The following WDR27 variants were observed in gnomAD, a reference collection of about 807,000 sequenced individuals.
WDR27 encodes the protein WD repeat domain 27.
A neutral mutation model predicts 114.4 loss-of-function variants in WDR27; 100 were observed. The observed-to-expected ratio is 0.87, with a 90% CI of 0.74 to 1.03. WDR27 has a LOEUF of 1.03. WDR27 is among the 50% of genes least tolerant of loss of function. The pLI, the probability that WDR27 is intolerant of heterozygous loss-of-function variation, is 0.00. For synonymous variants in WDR27, 449 were observed against 423.1 expected, an observed-to-expected ratio of 1.06 and a Z score of -0.75; for missense variants, 1,129 against 1,092.9, an observed-to-expected ratio of 1.03 and a Z score of -0.47.
At chr6:169,575,328 CTCTCT>C (rs1802108756) in intron 24 of WDR27, among the ~76,000 whole-genome samples, 4 of 51,060 alleles carry the variant, frequency 7.8e-5, no homozygotes, top group Non-Finnish European at 3.0e-4. Context: ...CTCCCTCTCT[CTCTCT>C]CCATCCATCC....
At chr6:169,587,257 C>T (rs1045485385) in intron 23 of WDR27, among the ~76,000 whole-genome samples, 4 of 25,092 alleles carry the variant, frequency 1.6e-4, no homozygotes, top group Non-Finnish European at 2.9e-4. Flanking sequence ...CTTGCTCTGT[C>T]GCCCAGGCTG....
At chr6:169,426,563 T>C in the WDR27 span, 1 of 152,194 alleles carries the variant, frequency 6.6e-6, no homozygotes, top group South Asian at 2.1e-4. Flanking sequence ...GAAACTTCAT[T>C]TGTCCCTTTA....
chr6:169,546,031 C>T (rs570827751), intron 25 of WDR27, among the ~76,000 whole-genome samples: 3 of 152,120 alleles, frequency 2.0e-5, no homozygotes, highest in East Asian at 1.9e-4. Flanking sequence ...TGCTCAGCCT[C>T]GCCGGCCATT....
At chr6:169,564,705 CGA>C (rs3029658) in intron 25 of WDR27, among the ~76,000 whole-genome samples, 1 of 151,802 alleles carries the variant, frequency 6.6e-6, no homozygotes, top group Non-Finnish European at 1.5e-5. Flanking sequence ...CTGGCTCCCA[CGA>C]GACTCTCAGG....
intron 25 of WDR27, among the ~76,000 whole-genome samples, chr6:169,537,250 GA>G (rs1437049618): frequency 6.6e-6 from 1 of 152,134 alleles, no homozygotes; most frequent in Non-Finnish European, 1.5e-5. Context: ...GCTCTTCAGG[GA>G]GGAGCATCCA....
At chr6:169,604,778 C>T (rs1808764716) in intron 22 of WDR27, among the ~76,000 whole-genome samples, 1 of 151,974 alleles carries the variant, frequency 6.6e-6, no homozygotes, top group African/African-American at 2.4e-5. Context: ...CCAGGGATGC[C>T]AGGATGGTTC....
rs1822957654 is a variant in WDR27, at chr6:169,652,799, T to C, written c.1403-791A>G. Reference sequence around the variant, plus strand: ...TCTGTATTAAAACTATTTATATAATTGTTCTTACTGAAGGTTTTGTTCTAA... The same window carrying C: ...TCTGTATTAAAACTATTTATATAATCGTTCTTACTGAAGGTTTTGTTCTAA... On this transcript the variant is annotated intron_variant, in intron 13 of 25. Transcript: ENST00000448612. Among the ~76,000 whole-genome samples, 3 of 152,398 alleles carry C rather than the reference T, an allele frequency of 2.0e-5. 1 individual carries two copies. Among genetic ancestry groups the C allele is most frequent in the Middle Eastern group, 6.8e-3 (2 of 294 alleles).
Position 169,670,660 on chromosome 6 carries a change from A to T in WDR27, c.365T>A (p.Leu122His), listed in dbSNP as rs1212368090. The change falls in exon 4 of 26, where the codon CTT becomes CAT. Residue 122 changes from leucine (L) to histidine (H), a missense_variant. Leu to His is a moderately conservative substitution (Grantham distance 99). Coordinates refer to ENST00000448612, the MANE Select transcript of WDR27 (RefSeq NM_182552.5). ...LVPRGTVMGS[L>H]LGKVLCLQLS... ...CTGTAAACACAGCACCTTTCCCAAA[A>T]GCGAGCCCATGACAGTCCCTCGAGG... 1 of 1,614,004 alleles carries T rather than the reference A, an allele frequency of 6.2e-7. No individual in the cohort carries two copies. The highest frequency in any genetic ancestry group is 8.5e-7 in the Non-Finnish European group (1 of 1,179,894).
intron 16 of WDR27, 140 bp downstream of exon 16, chr6:169,647,633 A>C (rs774324233): frequency 1.0e-4 from 84 of 819,596 alleles, no homozygotes; most frequent in Non-Finnish European, 1.6e-4. Context: ...CCAGACACAA[A>C]CCATGCCATG....
intron 21 of WDR27, among the ~76,000 whole-genome samples, chr6:169,617,222 G>C (rs1812047679): frequency 6.6e-6 from 1 of 152,180 alleles, no homozygotes. Context: ...TTTCAAGAGA[G>C]AGGGGTGTCC....
At chr6:169,444,669 G>T in the WDR27 span, among the ~76,000 whole-genome samples, 3,067 of 138,746 alleles carry the variant, frequency 0.022, 33 homozygotes, top group Non-Finnish European at 0.032. Flanking sequence ...CTGTTTTTTT[G>T]TTTTTTTTTT....
rs1242841997 is a variant in WDR27 at position 169,634,548 on chromosome 6, T to C, written c.2004-23A>G. The C allele has an allele frequency of 2.6e-6, 4 of 1,559,386 alleles. No homozygotes were observed. In the Admixed American group the frequency reaches 5.4e-5, roughly 21 times the overall value. ...TATCTGGAAGAGAAAATCAAGATGA[T>C]CAATATTTTTGCTTTCCTTCTGCTA... On this transcript the variant is annotated intron_variant, in intron 19 of 25. Transcript: ENST00000448612.
At chr6:169,430,965 C>T in the WDR27 span, among the ~76,000 whole-genome samples, 7 of 151,950 alleles carry the variant, frequency 4.6e-5, no homozygotes, top group East Asian at 1.9e-4. Flanking sequence ...GTCAAGAGAC[C>T]GGGGGTGGGA....
chr6:169,446,016 A>G, the WDR27 span, among the ~76,000 whole-genome samples: 1 of 152,232 alleles, frequency 6.6e-6, no homozygotes, highest in East Asian at 1.9e-4. Flanking sequence ...ACTTAATGAA[A>G]GGGCTCTGTC....
the WDR27 span, chr6:169,427,086 CCT>C: frequency 2.0e-5 from 3 of 152,910 alleles, no homozygotes; most frequent in Non-Finnish European, 4.4e-5. Context: ...GGGAAGAGCC[CCT>C]GTGGTCTCAG....
the WDR27 span, among the ~76,000 whole-genome samples, chr6:169,445,759 G>A: frequency 6.6e-6 from 1 of 152,240 alleles, no homozygotes; most frequent in Non-Finnish European, 1.5e-5. Context: ...CCATCACAGC[G>A]GAGGTCTGGC....
intron 17 of WDR27, among the ~76,000 whole-genome samples, chr6:169,640,822 T>TGACCCATA (rs139588331): frequency 0.012 from 1,873 of 151,680 alleles, 40 homozygotes; most frequent in African/African-American, 0.043. Flanking sequence ...CTCCACTGCC[T>TGACCCATA]GGCTGCAAGA....
At chr6:169,529,305 A>C (rs1583998721) in intron 25 of WDR27, among the ~76,000 whole-genome samples, 1 of 25,234 alleles carries the variant, frequency 4.0e-5, no homozygotes, top group Admixed American at 3.2e-4. Flanking sequence ...AACGGTGGTG[A>C]CCTCTGCGGG....
At chr6:169,452,685 AGAGG>A (rs1352148983), downstream of WDR27, among the ~76,000 whole-genome samples, 2 of 152,232 alleles carry the variant, frequency 1.3e-5, no homozygotes, top group Admixed American at 6.5e-5. Flanking sequence ...CCAGGGCTGG[AGAGG>A]GGAGACCCAG....
Sources: allele counts gnomAD v4.1 joint callset (sites outside exome capture counted in the v4.1 genomes callset), GRCh38; gene constraint gnomAD v4.1.1; transcripts MANE v1.5; gene names NCBI Gene and HGNC (gene_info 2026-07-23, HGNC 2026-07-21).